PRKN: variants seen among roughly 807,000 people sequenced by gnomAD.
PRKN encodes parkin RBR E3 ubiquitin protein ligase.
A neutral mutation model predicts 59.5 loss-of-function variants in PRKN; 56 were observed. The ratio of observed to expected loss-of-function variants is 0.94; its 90% CI spans 0.76 to 1.18. The LOEUF (loss-of-function observed/expected upper bound fraction) is 1.18, where lower values mean the gene tolerates loss of function less well. Ranked by LOEUF, PRKN falls within the 50% of genes most tolerant of loss-of-function variation. PRKN has a pLI of 0.00. For missense variants in PRKN, 657 were observed against 596.4 expected (o/e 1.10, Z -1.06); for synonymous variants, 250 against 222.1 (o/e 1.13, Z -1.12).
At chr6:162,138,895 C>A (rs935264038) in intron 4 of PRKN, among the ~76,000 whole-genome samples, 1 of 151,942 alleles carries the variant, frequency 6.6e-6, no homozygotes, top group African/African-American at 2.4e-5. Flanking sequence ...GAAGCAATAC[C>A]AAGTGGTCCA....
At position 161,377,224 on chromosome 6, in the gene PRKN, C is replaced by T. The variant is rs1367619836; in HGVS notation, c.1167+9570G>A. On this transcript the variant is annotated intron_variant, in intron 10 of 11. Coordinates refer to ENST00000366898, the MANE Select transcript of PRKN (RefSeq NM_004562.3). The surrounding 1 kb of genome is among the most constrained non-coding windows in gnomAD (Gnocchi z 4.2). The stretch of plus-strand genomic sequence containing the variant: ...AGAGCCCCTGGCACGCTACCGAGCC[C>T]TGTGGAGTTGGAGCATCTGTGCAGC... 2.6e-5 allele frequency among the ~76,000 whole-genome samples: 4 copies of T among 152,218 alleles called. No homozygotes were observed. Among genetic ancestry groups the T allele is most frequent in the African/African-American group, 9.6e-5 (4 of 41,472 alleles).
At chr6:161,394,584 A>T (rs1460258235) in intron 9 of PRKN, among the ~76,000 whole-genome samples, 2 of 152,142 alleles carry the variant, frequency 1.3e-5, no homozygotes, top group East Asian at 3.9e-4. Context: ...AACATCTATC[A>T]TCATGCGCGT....
chr6:162,111,544 A>T (rs1780440559), intron 4 of PRKN, among the ~76,000 whole-genome samples: 1 of 152,124 alleles, frequency 6.6e-6, no homozygotes, highest in African/African-American at 2.4e-5. Context: ...ACTCACATAC[A>T]TACACACATG....
chr6:162,663,629 T>C (rs1408409366), intron 1 of PRKN, among the ~76,000 whole-genome samples: 1 of 152,118 alleles, frequency 6.6e-6, no homozygotes, highest in Admixed American at 6.5e-5. Flanking sequence ...AAAATAAGTG[T>C]GTACTTCCAG....
intron 4 of PRKN, among the ~76,000 whole-genome samples, chr6:162,096,064 T>G (rs1779714981): frequency 6.6e-6 from 1 of 152,184 alleles, no homozygotes; most frequent in Non-Finnish European, 1.5e-5. Context: ...TTATTTCATA[T>G]GTGGATCAGA....
chr6:162,469,492 A>ATGTG (rs376285594), intron 1 of PRKN, among the ~76,000 whole-genome samples: 8,665 of 146,722 alleles, frequency 0.059, 306 homozygotes, highest in East Asian at 0.12. Context: ...AAACTGTGGT[A>ATGTG]TGTGTGTGTG....
At chr6:162,256,098 G>C (rs537390259) in intron 3 of PRKN, among the ~76,000 whole-genome samples, 13 of 152,092 alleles carry the variant, frequency 8.5e-5, no homozygotes, top group Admixed American at 1.3e-4. Context: ...CAGAGCATCA[G>C]AGGTATCATT....
In PRKN at chr6:161,396,268, C is replaced by T. The variant is rs1487623898; in HGVS notation, c.1084-9391G>A. The stretch of plus-strand genomic sequence containing the variant: ...CTTGTTCCCAAAGGCTAAGGTAGGA[C>T]CTGGTTGCAAGCTGGAACTCTTGTT... On this transcript the variant is annotated intron_variant, in intron 9 of 11. Transcript: ENST00000366898. The surrounding 1 kb of genome is among the most constrained non-coding windows in gnomAD (Gnocchi z 5.4). Among the ~76,000 whole-genome samples the T allele has an allele frequency of 1.3e-5, 2 of 152,136 alleles. No homozygotes were observed. The highest frequency in any genetic ancestry group is 3.9e-4 in the East Asian group (2 of 5,194).
chr6:162,521,664 ATG>A (rs886094074), intron 1 of PRKN, among the ~76,000 whole-genome samples: 2 of 152,086 alleles, frequency 1.3e-5, no homozygotes, highest in East Asian at 1.9e-4. Flanking sequence ...CATATTATAT[ATG>A]TGTGTATGTG....
Position 161,985,725 on chromosome 6 carries a change from C to G in PRKN, c.619-12308G>C, listed in dbSNP as rs576850745. Among the ~76,000 whole-genome samples, 4 of 152,266 alleles carry G rather than the reference C, an allele frequency of 2.6e-5. No individual in the cohort carries two copies. In the East Asian group the frequency reaches 7.7e-4, roughly 29 times the overall value. The stretch of plus-strand genomic sequence containing the variant: ...TATCTTCCAGGCCAAGCACACTGGC[C>G]GAGCAAGGCCTTGTAGACTTTCTAA... On this transcript the variant is annotated intron_variant, in intron 5 of 11. Transcript: ENST00000366898.
chr6:161,568,486 A>G (rs1274533982), intron 8 of PRKN, among the ~76,000 whole-genome samples: 1 of 152,172 alleles, frequency 6.6e-6, no homozygotes, highest in Non-Finnish European at 1.5e-5. Flanking sequence ...CCAGCTGCTC[A>G]GGAGGCTGAG....
In PRKN at chr6:161,794,199, A is replaced by G. The variant is rs140823603; in HGVS notation, c.735-8291T>C. 4.3e-4 allele frequency among the ~76,000 whole-genome samples: 66 copies of G among 152,334 alleles called. 2 individuals carry two copies. In the East Asian group the frequency reaches 9.3e-3, roughly 21 times the overall value. On this transcript the variant is annotated intron_variant, in intron 6 of 11. Coordinates refer to ENST00000366898, the MANE Select transcript of PRKN (RefSeq NM_004562.3). ...TATTTACTGTCATGAAAGGAAATAGAAAAGTTTCAAGTAACAGCCACTTTT... is the reference window on the plus strand; with the variant it reads ...TATTTACTGTCATGAAAGGAAATAGGAAAGTTTCAAGTAACAGCCACTTTT...
chr6:161,910,126 G>T (rs1264472042), intron 6 of PRKN, among the ~76,000 whole-genome samples: 1 of 152,180 alleles, frequency 6.6e-6, no homozygotes, highest in African/African-American at 2.4e-5. Context: ...CTGAATTGTG[G>T]CAATCTCATG....
At chr6:162,696,608 A>G (rs972496557) in intron 1 of PRKN, among the ~76,000 whole-genome samples, 7 of 127,794 alleles carry the variant, frequency 5.5e-5, no homozygotes, top group African/African-American at 2.1e-4. Context: ...TCTGTCACCC[A>G]GGCTGGAGTG....
chr6:162,269,368 G>A (rs1460271465), intron 2 of PRKN, among the ~76,000 whole-genome samples: 2 of 152,180 alleles, frequency 1.3e-5, no homozygotes, highest in Non-Finnish European at 2.9e-5. Context: ...CTAGAAGTGA[G>A]GAAACATTCC....
At chr6:161,816,495 G>T (rs79427193) in intron 6 of PRKN, among the ~76,000 whole-genome samples, 40,668 of 151,958 alleles carry the variant, frequency 0.27, 5,541 homozygotes, top group Middle Eastern at 0.32. Context: ...TTCAATATGT[G>T]TGTTTTATCA....
chr6:162,309,117 T>A (rs1211479991), intron 2 of PRKN, among the ~76,000 whole-genome samples: 2 of 152,188 alleles, frequency 1.3e-5, no homozygotes, highest in East Asian at 1.9e-4. Context: ...GTGACAATGA[T>A]ACCCCTTTTC....
At chr6:162,065,609 C>T (rs746991894) in intron 4 of PRKN, among the ~76,000 whole-genome samples, 11 of 151,534 alleles carry the variant, frequency 7.3e-5, no homozygotes, top group African/African-American at 2.4e-4. Context: ...CTAGGGTACA[C>T]GTGCACAACG....
At chr6:162,414,762 T>C (rs938969642) in intron 2 of PRKN, among the ~76,000 whole-genome samples, 1 of 142,350 alleles carries the variant, frequency 7.0e-6, no homozygotes, top group African/African-American at 2.7e-5. Context: ...ATGCTATCTA[T>C]GGATAGAATA....
Sources: gnomAD v4.1 joint callset for allele counts (sites outside exome capture counted in the v4.1 genomes callset) on GRCh38, gnomAD v4.1.1 for gene constraint, Gnocchi (gnomAD v3.1) non-coding constraint, MANE v1.5 for transcripts, NCBI Gene and HGNC (gene_info 2026-07-23, HGNC 2026-07-21) for gene names.